The following CD300C variants were observed in gnomAD, a reference collection of about 807,000 sequenced individuals.
CD300C encodes CD300c molecule.
Under a neutral mutation model 18.4 loss-of-function variants are expected in CD300C, and 11 were observed. That is an observed-to-expected ratio of 0.60 (90% CI 0.38 to 0.99). The LOEUF is 0.99. Among genes scored for constraint, CD300C ranks in the 50% least tolerant of loss-of-function variants. The pLI, the probability that CD300C is intolerant of heterozygous loss-of-function variation, is 0.01. For synonymous variants in CD300C, 116 were observed against 116.3 expected, an observed-to-expected ratio of 1.00 and a Z score of 0.02; for missense variants, 277 against 287.4, an observed-to-expected ratio of 0.96 and a Z score of 0.26.
intron 3 of CD300C, 152 bp from the exon 4 acceptor site, chr17:74,541,888 C>T: frequency 1.3e-6 from 1 of 774,806 alleles, no homozygotes; most frequent in Non-Finnish European, 2.0e-6. Flanking sequence ...AGCATCACGG[C>T]CCCTAACCCT....
At chr17:74,540,541 G>C (rs867303430), downstream of CD300C, among the ~76,000 whole-genome samples, 22 of 152,146 alleles carry the variant, frequency 1.4e-4, 1 homozygote, top group Non-Finnish European at 1.8e-4. Flanking sequence ...TGGAAAAAAG[G>C]GTTAAGAACC....
rs988323550 is a variant in CD300C, at chr17:74,541,289, G to C, written c.*300C>G. The C allele has an allele frequency of 3.2e-6, 1 of 314,512 alleles. No individual in the cohort carries two copies. Among genetic ancestry groups the C allele is most frequent in the Admixed American group, 4.1e-5 (1 of 24,544 alleles). 19.5% of individuals were successfully genotyped at this position (314,512 alleles called of 1,614,324 possible). A position where few individuals can be genotyped will look rare whatever the true frequency, so the allele number is the denominator to read the frequency against. On this transcript the variant is annotated 3_prime_UTR_variant, in exon 4 of 4. Transcript: ENST00000330793. ...AAAACGGTGGAGGAAGCAGTGCCAG[G>C]CTCCTGGAGAAATGGAAGGGTGCAG...
rs376677051 is a variant in CD300C at position 74,542,695 on chromosome 17, T to C, written c.527+166A>G. Among the ~76,000 whole-genome samples the C allele has an allele frequency of 3.3e-5, 5 of 152,376 alleles. No individual in the cohort carries two copies. The South Asian group carries it at 1.0e-3, about 32-fold the overall frequency. The stretch of plus-strand genomic sequence containing the variant: ...ACAGTGGCTGTGTGGTTCCCTGCTG[T>C]GACCCAATCCCAAAAGGAGCGCCTG... On this transcript the variant is annotated intron_variant, in intron 3 of 3. Coordinates refer to ENST00000330793, the MANE Select transcript of CD300C (RefSeq NM_006678.5).
At chr17:74,543,714 T>C (rs1412849341) in intron 2 of CD300C, among the ~76,000 whole-genome samples, 1 of 152,068 alleles carries the variant, frequency 6.6e-6, no homozygotes, top group South Asian at 2.1e-4. Context: ...CCGAGGAACC[T>C]GGGACATTGT....
downstream of CD300C, among the ~76,000 whole-genome samples, chr17:74,538,774 G>A (rs1241196032): frequency 6.6e-6 from 1 of 152,216 alleles, no homozygotes; most frequent in East Asian, 1.9e-4. Flanking sequence ...TCCCACAAAG[G>A]CAGGAGCCCT....
downstream of CD300C, among the ~76,000 whole-genome samples, chr17:74,538,259 A>C (rs1332030991): frequency 6.6e-6 from 1 of 152,126 alleles, no homozygotes; most frequent in Non-Finnish European, 1.5e-5. Flanking sequence ...GTTTCTCACA[A>C]TCCAGCTGAC....
At chr17:74,539,749 G>T (rs1263074255), downstream of CD300C, among the ~76,000 whole-genome samples, 2 of 152,242 alleles carry the variant, frequency 1.3e-5, no homozygotes, top group Non-Finnish European at 2.9e-5. Flanking sequence ...AGGTTTGCCT[G>T]CGTGTTCCTT....
At position 74,545,798 on chromosome 17, in the gene CD300C, G is replaced by A. The variant is rs756234280; in HGVS notation, c.-16C>T. 4 of 1,600,192 alleles carry A rather than the reference G, an allele frequency of 2.5e-6. No homozygotes were observed. Among genetic ancestry groups the A allele is most frequent in the Admixed American group, 1.7e-5 (1 of 58,710 alleles). On this transcript the variant is annotated 5_prime_UTR_variant, in exon 1 of 4. Coordinates refer to ENST00000330793, the MANE Select transcript of CD300C (RefSeq NM_006678.5). Reference sequence around the variant, plus strand: ...TGGCAGTCATTCCTGTAACACGAATGTCACCTGCCACTGTGCAAGACCCCA... The same window carrying A: ...TGGCAGTCATTCCTGTAACACGAATATCACCTGCCACTGTGCAAGACCCCA...
chr17:74,541,524 AGGAG>A lies in CD300C; in HGVS notation c.*61_*64del, dbSNP rs1279871883. The stretch of plus-strand genomic sequence containing the variant: ...GAGAGCAGCCCGGGAGGGAGTGGTC[AGGAG>A]GTCATTCCAGTCCCCCAGAGGGGCT... On this transcript the variant is annotated 3_prime_UTR_variant, in exon 4 of 4. Coordinates refer to ENST00000330793, the MANE Select transcript of CD300C (RefSeq NM_006678.5). The A allele has an allele frequency of 9.1e-7, 1 of 1,101,966 alleles. No homozygotes were observed. Among genetic ancestry groups the A allele is most frequent in the Admixed American group, 1.7e-5 (1 of 59,172 alleles). 68.3% of individuals were successfully genotyped at this position (1,101,966 alleles called of 1,614,324 possible).
At chr17:74,544,375 G>C (rs577600104) in intron 2 of CD300C, among the ~76,000 whole-genome samples, 1 of 151,958 alleles carries the variant, frequency 6.6e-6, no homozygotes, top group African/African-American at 2.4e-5. Flanking sequence ...TTTTGTGGGC[G>C]CCCACCCTCC....
At chr17:74,538,384 G>A (rs976941202), downstream of CD300C, among the ~76,000 whole-genome samples, 2 of 152,174 alleles carry the variant, frequency 1.3e-5, no homozygotes, top group South Asian at 2.1e-4. Context: ...AGACTGCTGA[G>A]GAGGGACCTG....
At chr17:74,536,981 A>G (rs898536777), downstream of CD300C, among the ~76,000 whole-genome samples, 1 of 151,908 alleles carries the variant, frequency 6.6e-6, no homozygotes, top group Non-Finnish European at 1.5e-5. Flanking sequence ...AAGAGAAAAA[A>G]GAAGAGGAGG....
downstream of CD300C, among the ~76,000 whole-genome samples, chr17:74,538,866 C>T (rs1008929525): frequency 1.1e-4 from 16 of 152,194 alleles, no homozygotes; most frequent in Admixed American, 2.0e-4. Context: ...TGTTGAGCGG[C>T]GGCTGCTAGT....
intron 2 of CD300C, among the ~76,000 whole-genome samples, chr17:74,543,336 G>A (rs1212187843): frequency 6.6e-6 from 1 of 152,218 alleles, no homozygotes; most frequent in African/African-American, 2.4e-5. Flanking sequence ...GAGTGACTGC[G>A]AAGCCAGGGC....
chr17:74,540,367 C>T (rs1908505749), downstream of CD300C, among the ~76,000 whole-genome samples: 1 of 152,182 alleles, frequency 6.6e-6, no homozygotes, highest in Admixed American at 6.5e-5. Context: ...TTTACATTAC[C>T]TCTGGAACAT....
chr17:74,539,433 C>T (rs373544667), downstream of CD300C, among the ~76,000 whole-genome samples: 4 of 152,144 alleles, frequency 2.6e-5, no homozygotes, highest in Non-Finnish European at 2.9e-5. Context: ...GGCCCTGCCA[C>T]GGGGACCTGA....
downstream of CD300C, among the ~76,000 whole-genome samples, chr17:74,540,568 C>T (rs1167835698): frequency 1.3e-5 from 2 of 152,142 alleles, no homozygotes; most frequent in Admixed American, 1.3e-4. Flanking sequence ...GCGAGGCCCT[C>T]CTTGACCAGG....
At position 74,545,829 on chromosome 17, in the gene CD300C, G is replaced by A. The variant is rs1371476007; in HGVS notation, c.-47C>T. The A allele has an allele frequency of 2.0e-6, 3 of 1,494,812 alleles. No homozygotes were observed. The highest frequency in any genetic ancestry group is 2.8e-6 in the Non-Finnish European group (3 of 1,082,264). The allele number at this position is 1,494,812 out of a possible 1,614,324, so 92.6% of individuals were successfully genotyped here. On this transcript the variant is annotated 5_prime_UTR_variant, in exon 1 of 4. Transcript: ENST00000330793. ...TGCCACTGTGCAAGACCCCAGGAGG[G>A]GACAAAATGTAATCTCCTCCCAGCA... is the stretch of plus-strand genomic sequence containing the variant.
rs559749439 is a variant in CD300C at position 74,541,374 on chromosome 17, G to A, written c.*215C>T. On this transcript the variant is annotated 3_prime_UTR_variant, in exon 4 of 4. Coordinates refer to ENST00000330793, the MANE Select transcript of CD300C (RefSeq NM_006678.5). ...GGCCCGAGGCTTAGCTGGCCGGGGC[G>A]TGCACATGAGACGTGGACTCACAGC... 74 of 529,050 alleles carry A rather than the reference G, an allele frequency of 1.4e-4. No homozygotes were observed. The highest frequency in any genetic ancestry group is 1.1e-3 in the African/African-American group (56 of 52,590). The allele number at this position is 529,050 out of a possible 1,614,324, so 32.8% of individuals were successfully genotyped here. A position where few individuals can be genotyped will look rare whatever the true frequency, so the allele number is the denominator to read the frequency against.
Sources: gnomAD v4.1 joint callset for allele counts (sites outside exome capture counted in the v4.1 genomes callset) on GRCh38, gnomAD v4.1.1 for gene constraint, MANE v1.5 for transcripts, NCBI Gene and HGNC (gene_info 2026-07-23, HGNC 2026-07-21) for gene names.